COMMD10: variants seen among roughly 807,000 people sequenced by gnomAD.
COMMD10 encodes COMM domain containing 10.
Under a neutral mutation model 28.9 loss-of-function variants are expected in COMMD10, and 33 were observed. The ratio of observed to expected loss-of-function variants is 1.14; its 90% CI spans 0.87 to 1.53. The LOEUF is 1.53. COMMD10 is among the 40% of genes most tolerant of loss of function. The pLI, the probability that COMMD10 is intolerant of heterozygous loss-of-function variation, is 0.00. For missense variants in COMMD10, 310 were observed against 233.4 expected, an observed-to-expected ratio of 1.33 and a Z score of -2.14; for synonymous variants, 110 against 81.7, an observed-to-expected ratio of 1.35 and a Z score of -1.87.
intron 5 of COMMD10, among the ~76,000 whole-genome samples, chr5:116,203,033 G>T (rs1336323722): frequency 1.3e-5 from 2 of 151,876 alleles, no homozygotes; most frequent in African/African-American, 4.8e-5. Flanking sequence ...TAACATTTAA[G>T]TCTTGAATCC....
At chr5:116,162,165 A>G (rs894078210) in intron 5 of COMMD10, among the ~76,000 whole-genome samples, 1 of 152,214 alleles carries the variant, frequency 6.6e-6, no homozygotes, top group African/African-American at 2.4e-5. Flanking sequence ...CTTTTTTGCT[A>G]TAAATAGATA....
chr5:116,196,121 A>G (rs1748513416), intron 5 of COMMD10, among the ~76,000 whole-genome samples: 1 of 152,234 alleles, frequency 6.6e-6, no homozygotes, highest in Non-Finnish European at 1.5e-5. Flanking sequence ...TATTTGAAAA[A>G]GACACTTGCA....
At chr5:116,281,075 A>T (rs1751056222) in intron 5 of COMMD10, among the ~76,000 whole-genome samples, 2 of 151,844 alleles carry the variant, frequency 1.3e-5, no homozygotes, top group Non-Finnish European at 2.9e-5. Context: ...ATCATTTCTA[A>T]TTCTGATATC....
chr5:116,146,230 A>T (rs1255454091), intron 5 of COMMD10, among the ~76,000 whole-genome samples: 1 of 151,828 alleles, frequency 6.6e-6, no homozygotes, highest in Non-Finnish European at 1.5e-5. Flanking sequence ...GTATCCTAGG[A>T]GTTCCCAATG....
intron 5 of COMMD10, among the ~76,000 whole-genome samples, chr5:116,285,797 G>C (rs557085630): frequency 6.6e-6 from 1 of 151,698 alleles, no homozygotes; most frequent in South Asian, 2.1e-4. Context: ...GGATTTTTGC[G>C]TCAATACTTA....
intron 5 of COMMD10, among the ~76,000 whole-genome samples, chr5:116,274,847 C>G (rs1309278096): frequency 6.6e-6 from 1 of 151,748 alleles, no homozygotes; most frequent in Non-Finnish European, 1.5e-5. Context: ...TTAAGCAGTA[C>G]TTTGTGTTAC....
intron 5 of COMMD10, among the ~76,000 whole-genome samples, chr5:116,152,882 G>T (rs914101302): frequency 6.6e-6 from 1 of 152,028 alleles, no homozygotes; most frequent in African/African-American, 2.4e-5. Flanking sequence ...ATTTTAATTT[G>T]TGAAATCTTT....
chr5:116,167,541 C>G (rs1031145696), intron 5 of COMMD10, among the ~76,000 whole-genome samples: 8 of 152,082 alleles, frequency 5.3e-5, no homozygotes, highest in African/African-American at 1.4e-4. Flanking sequence ...GACACATAAT[C>G]ATCAGATTCA....
Position 116,091,202 on chromosome 5 carries a change from C to A in COMMD10, c.243+13C>A. 1.4e-6 allele frequency: 2 copies of A among 1,412,590 alleles called. No homozygotes were observed. Among genetic ancestry groups the A allele is most frequent in the Non-Finnish European group, 2.0e-6 (2 of 1,005,376 alleles). The allele number at this position is 1,412,590 out of a possible 1,614,324, so 87.5% of individuals were successfully genotyped here. On this transcript the variant is annotated intron_variant, in intron 3 of 6. Transcript: ENST00000274458. The stretch of plus-strand genomic sequence containing the variant: ...TATTTTAGAACAGGTATTTTTATTG[C>A]ATCAAATTTTCTAGCCATGATTTGT...
At chr5:116,241,325 A>G (rs1042576092) in intron 5 of COMMD10, among the ~76,000 whole-genome samples, 1 of 152,200 alleles carries the variant, frequency 6.6e-6, no homozygotes, top group Admixed American at 6.5e-5. Context: ...CTGGAGCAAA[A>G]TCAAAACAGC....
chr5:116,117,585 T>C (rs1751283578), intron 4 of COMMD10, among the ~76,000 whole-genome samples: 1 of 152,164 alleles, frequency 6.6e-6, no homozygotes, highest in Non-Finnish European at 1.5e-5. Flanking sequence ...TGTCTCAGCC[T>C]CCCGAGTAGT....
At position 116,085,076 on chromosome 5, in the gene COMMD10, C is replaced by A. The variant is rs767938566; in HGVS notation, c.24C>A (p.Ile8=). The change falls in exon 1 of 7, where the codon ATC becomes ATA. Residue 8 remains isoleucine (I), a synonymous_variant. Coordinates refer to ENST00000274458, the MANE Select transcript of COMMD10 (RefSeq NM_016144.4). The stretch of plus-strand genomic sequence containing the variant: ...AGATGGCGGTCCCCGCGGCGCTGAT[C>A]CTACGGGAGAGCCCCAGGTAGCTGA... MAVPAAL[I]LRESPSMKKA... is the part of the protein sequence containing the mutation. 9.3e-6 allele frequency: 15 copies of A among 1,610,220 alleles called. No individual in the cohort carries two copies. The highest frequency in any genetic ancestry group is 1.7e-5 in the Admixed American group (1 of 59,796).
intron 4 of COMMD10, among the ~76,000 whole-genome samples, chr5:116,116,152 A>G (rs1751227001): frequency 1.3e-5 from 2 of 152,194 alleles, no homozygotes; most frequent in African/African-American, 4.8e-5. Flanking sequence ...TAGTCCTAAG[A>G]TAATAATGTT....
intron 5 of COMMD10, among the ~76,000 whole-genome samples, chr5:116,259,681 C>G (rs976852946): frequency 6.6e-6 from 1 of 151,678 alleles, no homozygotes; most frequent in Non-Finnish European, 1.5e-5. Context: ...AGCCTTCATC[C>G]AATAACTGCA....
chr5:116,279,685 T>G (rs1751014728), intron 5 of COMMD10, among the ~76,000 whole-genome samples: 2 of 151,880 alleles, frequency 1.3e-5, no homozygotes, highest in African/African-American at 4.9e-5. Context: ...AAACCTAGCT[T>G]TTTAACTTGG....
intron 5 of COMMD10, among the ~76,000 whole-genome samples, chr5:116,261,013 A>G (rs983549597): frequency 2.0e-5 from 3 of 151,652 alleles, no homozygotes; most frequent in African/African-American, 7.3e-5. Context: ...GCCAAATTTG[A>G]TTTTATTTTT....
intron 5 of COMMD10, among the ~76,000 whole-genome samples, chr5:116,214,776 A>C (rs901695340): frequency 6.6e-6 from 1 of 152,148 alleles, no homozygotes; most frequent in Non-Finnish European, 1.5e-5. Flanking sequence ...ATACCCATTT[A>C]AATGTCTGCT....
In COMMD10 at chr5:116,128,606, G is replaced by T. The variant is rs368821771; in HGVS notation, c.400-5462G>T. 6.6e-5 allele frequency among the ~76,000 whole-genome samples: 10 copies of T among 152,006 alleles called. 1 individual carries two copies. The highest frequency in any genetic ancestry group is 2.4e-4 in the African/African-American group (10 of 41,488). On this transcript the variant is annotated intron_variant, in intron 4 of 6. Coordinates refer to ENST00000274458, the MANE Select transcript of COMMD10 (RefSeq NM_016144.4). The stretch of plus-strand genomic sequence containing the variant: ...TATTGGTGATTGTCTTATTTGCTTA[G>T]TTATGAGTCTCAGGAATAATTAAAT...
Position 116,255,188 on chromosome 5 carries a change from G to A in COMMD10, c.511-36329G>A, listed in dbSNP as rs557796390. Among the ~76,000 whole-genome samples the A allele has an allele frequency of 8.9e-4, 135 of 151,798 alleles. 5 individuals carry two copies. The highest frequency in any genetic ancestry group is 3.2e-3 in the African/African-American group (133 of 41,196). On this transcript the variant is annotated intron_variant, in intron 5 of 6. Transcript: ENST00000274458. The stretch of plus-strand genomic sequence containing the variant: ...CCATCCTTTTATTTTGAGCCTATGT[G>A]TGTCTCTGCCCGTGAGATGGGTTTC...
Sources: allele counts gnomAD v4.1 joint callset (sites outside exome capture counted in the v4.1 genomes callset), GRCh38; gene constraint gnomAD v4.1.1; transcripts MANE v1.5; gene names NCBI Gene and HGNC (gene_info 2026-07-23, HGNC 2026-07-21).